CELF2: variants seen among roughly 807,000 people sequenced by gnomAD.
CELF2 encodes CUGBP Elav-like family member 2.
In CELF2, 8 loss-of-function variants were observed where a neutral mutation model predicts 62.6. The observed-to-expected ratio is 0.13, with a 90% CI of 0.07 to 0.23. The LOEUF is 0.23. Among genes scored for constraint, CELF2 ranks in the 10% least tolerant of loss-of-function variants. CELF2 has a pLI of 1.00. For missense variants in CELF2, 333 were observed against 671.0 expected, an observed-to-expected ratio of 0.50 and a Z score of 5.56; for synonymous variants, 258 against 250.0, an observed-to-expected ratio of 1.03 and a Z score of -0.30.
At chr10:10,787,422 G>A in the CELF2 span, among the ~76,000 whole-genome samples, 1 of 151,996 alleles carries the variant, frequency 6.6e-6, no homozygotes, top group Non-Finnish European at 1.5e-5. Flanking sequence ...GTAAAACAGA[G>A]AAATTAGAAA....
chr10:11,038,334 C>T (rs1487344247), intron 1 of CELF2, among the ~76,000 whole-genome samples: 1 of 152,170 alleles, frequency 6.6e-6, no homozygotes, highest in Non-Finnish European at 1.5e-5. Context: ...AGAAAAAATG[C>T]TTCTAAGAAT....
chr10:11,184,229 A>T (rs2074249529), intron 2 of CELF2, among the ~76,000 whole-genome samples: 1 of 152,220 alleles, frequency 6.6e-6, no homozygotes, highest in African/African-American at 2.4e-5. Flanking sequence ...TTATTTAAAG[A>T]CAGTCTGACC....
At chr10:10,903,592 C>A (rs12241955) in intron 1 of CELF2, among the ~76,000 whole-genome samples, 1 of 152,072 alleles carries the variant, frequency 6.6e-6, no homozygotes, top group African/African-American at 2.4e-5. Flanking sequence ...AAATTGACTC[C>A]GTACATATTT....
the CELF2 span, among the ~76,000 whole-genome samples, chr10:10,563,612 A>G: frequency 8.2e-6 from 1 of 121,648 alleles, no homozygotes; most frequent in African/African-American, 2.7e-5. Context: ...TGTCTCAAAA[A>G]AAAAAAAAAA....
the CELF2 span, among the ~76,000 whole-genome samples, chr10:10,521,957 C>A: frequency 6.6e-6 from 1 of 152,140 alleles, no homozygotes; most frequent in East Asian, 1.9e-4. Context: ...GGTAACGGGG[C>A]TCTGCTGGTC....
At chr10:10,466,441 C>G in the CELF2 span, among the ~76,000 whole-genome samples, 1 of 151,936 alleles carries the variant, frequency 6.6e-6, no homozygotes, top group African/African-American at 2.4e-5. Flanking sequence ...ATAGTTTGTT[C>G]ATCTGTTCAC....
intron 1 of CELF2, among the ~76,000 whole-genome samples, chr10:10,858,931 C>A (rs549425006): frequency 6.6e-6 from 1 of 152,274 alleles, no homozygotes; most frequent in East Asian, 1.9e-4. Flanking sequence ...TAAATTAACA[C>A]TAGGACAGTG....
chr10:11,047,255 C>T (rs992138274), intron 1 of CELF2, among the ~76,000 whole-genome samples: 90 of 152,112 alleles, frequency 5.9e-4, no homozygotes, highest in African/African-American at 2.1e-3. Flanking sequence ...AATTTTAGTG[C>T]TTTACTCACA....
the CELF2 span, among the ~76,000 whole-genome samples, chr10:10,542,721 C>A: frequency 3.3e-5 from 5 of 152,282 alleles, no homozygotes; most frequent in Non-Finnish European, 7.3e-5. Flanking sequence ...ATTAGGGAAG[C>A]TGTGAGTCAT....
chr10:10,548,886 T>G, the CELF2 span, among the ~76,000 whole-genome samples: 1 of 152,154 alleles, frequency 6.6e-6, no homozygotes, highest in African/African-American at 2.4e-5. Flanking sequence ...TAGAAGGAGC[T>G]CTCATTCTAG....
At chr10:10,810,722 G>T (rs2055781268) in intron 1 of CELF2, among the ~76,000 whole-genome samples, 1 of 152,188 alleles carries the variant, frequency 6.6e-6, no homozygotes, top group East Asian at 1.9e-4. Flanking sequence ...GGGAGACCCT[G>T]TTCCCAAAGA....
intron 1 of CELF2, among the ~76,000 whole-genome samples, chr10:11,049,654 G>GCA: frequency 6.6e-6 from 1 of 151,270 alleles, no homozygotes; most frequent in East Asian, 1.9e-4. Context: ...CACGCTTCCG[G>GCA]CACATACTTA....
the CELF2 span, among the ~76,000 whole-genome samples, chr10:10,465,353 T>A: frequency 6.6e-6 from 1 of 152,132 alleles, no homozygotes; most frequent in Non-Finnish European, 1.5e-5. Flanking sequence ...GTAATTTGAT[T>A]AATTAGTCTA....
chr10:11,202,555 C>T (rs1326663388), intron 2 of CELF2, among the ~76,000 whole-genome samples: 1 of 152,150 alleles, frequency 6.6e-6, no homozygotes, highest in East Asian at 1.9e-4. Context: ...GGAATGTGCT[C>T]AGGGAATCAA....
In CELF2 at chr10:11,098,745, C is replaced by T. The variant is rs1452652318; in HGVS notation, c.75-66741C>T. Among the ~76,000 whole-genome samples the T allele has an allele frequency of 6.6e-6, 1 of 152,176 alleles. No homozygotes were observed. The highest frequency in any genetic ancestry group is 2.4e-5 in the African/African-American group (1 of 41,436). On this transcript the variant is annotated intron_variant, in intron 1 of 12. Transcript: ENST00000633077. This position sits in a 1 kb window ranked among gnomAD's most constrained non-coding sequence, Gnocchi z 4.0. ...GGCCTTACTTTTCTGTAAACTGCGGCCACTTTGTCCTTTATCTGTGTGGTT... is the reference window on the plus strand; with the variant it reads ...GGCCTTACTTTTCTGTAAACTGCGGTCACTTTGTCCTTTATCTGTGTGGTT...
intron 1 of CELF2, among the ~76,000 whole-genome samples, chr10:11,094,038 C>T (rs572084818): frequency 2.6e-5 from 4 of 152,242 alleles, no homozygotes; most frequent in South Asian, 2.1e-4. Context: ...TATGAGTTCT[C>T]GGAGATTCAA....
chr10:10,877,875 T>C (rs1027719426), intron 1 of CELF2, among the ~76,000 whole-genome samples: 2 of 152,234 alleles, frequency 1.3e-5, no homozygotes, highest in Non-Finnish European at 2.9e-5. Flanking sequence ...TGGCGTAGCC[T>C]CTGACCTCCT....
chr10:10,644,415 G>A, the CELF2 span, among the ~76,000 whole-genome samples: 2 of 151,986 alleles, frequency 1.3e-5, no homozygotes, highest in East Asian at 1.9e-4. Context: ...GTGTGTGTGT[G>A]TGTGTGTGTG....
chr10:11,051,290 T>C (rs2140052775), intron 1 of CELF2, among the ~76,000 whole-genome samples: 1 of 152,368 alleles, frequency 6.6e-6, no homozygotes. Context: ...AAACATCTTT[T>C]ACTGCATTTC....
Sources: gnomAD v4.1 joint callset for allele counts (sites outside exome capture counted in the v4.1 genomes callset) on GRCh38, gnomAD v4.1.1 for gene constraint, Gnocchi (gnomAD v3.1) non-coding constraint, MANE v1.5 for transcripts, NCBI Gene and HGNC (gene_info 2026-07-23, HGNC 2026-07-21) for gene names.